Variants in MTUS2 observed in about 807,000 individuals in gnomAD.
MTUS2 encodes the protein microtubule associated scaffold protein 2.
A neutral mutation model predicts 114.1 loss-of-function variants in MTUS2; 40 were observed. The observed-to-expected ratio is 0.35, with a 90% CI of 0.27 to 0.46. The LOEUF is 0.46. Ranked by LOEUF, MTUS2 falls within the 20% of genes least tolerant of loss-of-function variation. The probability of loss-of-function intolerance (pLI) is 1.00; values close to 1 mark genes in which losing one functional copy is unlikely to be tolerated. For synonymous variants in MTUS2, 688 were observed against 672.0 expected, an observed-to-expected ratio of 1.02 and a Z score of -0.37; for missense variants, 1,679 against 1,705.4, an observed-to-expected ratio of 0.98 and a Z score of 0.27.
chr13:28,877,946 A>T (rs1369270778), intron 2 of MTUS2, among the ~76,000 whole-genome samples: 1 of 152,084 alleles, frequency 6.6e-6, no homozygotes, highest in Non-Finnish European at 1.5e-5. Flanking sequence ...ATATCCGAAA[A>T]ATGTGTTCTT....
intron 8 of MTUS2, among the ~76,000 whole-genome samples, chr13:29,409,745 A>G (rs1253596494): frequency 6.6e-6 from 1 of 151,214 alleles, no homozygotes; most frequent in East Asian, 1.9e-4. Flanking sequence ...TTGCTTTACA[A>G]TATACTCTGG....
chr13:29,154,303 C>G (rs975418701), intron 5 of MTUS2, among the ~76,000 whole-genome samples: 17 of 152,122 alleles, frequency 1.1e-4, no homozygotes, highest in African/African-American at 4.1e-4. Flanking sequence ...TTTGGTTACT[C>G]TTCAGTTTTA....
At chr13:28,914,131 G>T (rs1019796376) in intron 2 of MTUS2, among the ~76,000 whole-genome samples, 1 of 151,860 alleles carries the variant, frequency 6.6e-6, no homozygotes, top group Non-Finnish European at 1.5e-5. Flanking sequence ...TCTGATCTTG[G>T]TTATTTCTTG....
chr13:29,127,112 C>T lies in MTUS2; in HGVS notation c.2644+26142C>T, dbSNP rs1322703034. Among the ~76,000 whole-genome samples, 3 of 152,152 alleles carry T rather than the reference C, an allele frequency of 2.0e-5. No homozygotes were observed. In the East Asian group the frequency reaches 5.8e-4, roughly 29 times the overall value. On this transcript the variant is annotated intron_variant, in intron 5 of 15. Transcript: ENST00000612955. ...GGCCCCAGCCATTGAGCTGCTCCCA[C>T]ACCACCTAACTTGTTCTTCAGCCTT...
chr13:29,424,195 T>A (rs1876336512), intron 8 of MTUS2, among the ~76,000 whole-genome samples: 1 of 152,152 alleles, frequency 6.6e-6, no homozygotes, highest in African/African-American at 2.4e-5. Flanking sequence ...TATTTCAAAA[T>A]AGCTAGAAGA....
intron 8 of MTUS2, among the ~76,000 whole-genome samples, chr13:29,368,007 C>T (rs1207120875): frequency 3.4e-5 from 5 of 148,866 alleles, no homozygotes; most frequent in African/African-American, 9.9e-5. Context: ...GGCGCTATCT[C>T]GGCTCTCTGC....
chr13:28,891,893 A>G (rs1265861862), intron 2 of MTUS2, among the ~76,000 whole-genome samples: 1 of 150,922 alleles, frequency 6.6e-6, no homozygotes, highest in Non-Finnish European at 1.5e-5. Flanking sequence ...GAATAACAAC[A>G]AAGGACAAAA....
intron 1 of MTUS2, among the ~76,000 whole-genome samples, chr13:28,838,693 C>T (rs983644124): frequency 2.6e-5 from 4 of 152,154 alleles, no homozygotes; most frequent in Non-Finnish European, 4.4e-5. Context: ...GTCTTCCAGC[C>T]CTCAGCTTTT....
At chr13:28,917,343 GTTC>G (rs1327613083) in intron 2 of MTUS2, among the ~76,000 whole-genome samples, 15 of 152,014 alleles carry the variant, frequency 9.9e-5, no homozygotes, top group African/African-American at 3.1e-4. Context: ...ATTGGCATTA[GTTC>G]TTCTTTAAAT....
chr13:29,471,687 C>T (rs928200586), intron 9 of MTUS2, among the ~76,000 whole-genome samples: 2 of 150,358 alleles, frequency 1.3e-5, no homozygotes, highest in African/African-American at 2.4e-5. Context: ...CCACTGGAGG[C>T]GTGGACAAGA....
At chr13:29,027,597 G>A (rs781637271) in intron 3 of MTUS2, among the ~76,000 whole-genome samples, 1 of 152,114 alleles carries the variant, frequency 6.6e-6, no homozygotes, top group Non-Finnish European at 1.5e-5. Context: ...TGTCGCCCAG[G>A]CTTGAGTGCA....
intron 4 of MTUS2, among the ~76,000 whole-genome samples, chr13:29,047,883 A>C (rs1887708977): frequency 6.6e-6 from 1 of 152,190 alleles, no homozygotes; most frequent in Non-Finnish European, 1.5e-5. Context: ...TTATGGACTT[A>C]AACTCTGGAA....
intron 5 of MTUS2, among the ~76,000 whole-genome samples, chr13:29,112,414 G>T (rs1890917822): frequency 6.6e-6 from 1 of 152,126 alleles, no homozygotes; most frequent in African/African-American, 2.4e-5. Context: ...AGGAGAATGG[G>T]TCTGCAGACT....
chr13:28,869,274 A>T (rs1386922392), intron 2 of MTUS2, among the ~76,000 whole-genome samples: 1 of 152,176 alleles, frequency 6.6e-6, no homozygotes, highest in East Asian at 1.9e-4. Context: ...GGTTCCACTG[A>T]ATTTAACTAG....
At chr13:28,868,930 A>T (rs1877460885) in intron 2 of MTUS2, among the ~76,000 whole-genome samples, 1 of 152,136 alleles carries the variant, frequency 6.6e-6, no homozygotes, top group East Asian at 1.9e-4. Flanking sequence ...GAGTGATCCC[A>T]TTCCATGGCT....
rs1883071250 is a variant in MTUS2, at chr13:29,503,869, G to A, written c.*663G>A. 1 of 234,048 alleles carries A rather than the reference G, an allele frequency of 4.3e-6. No homozygotes were observed. The highest frequency in any genetic ancestry group is 2.2e-5 in the African/African-American group (1 of 45,164). The allele number at this position is 234,048 out of a possible 1,614,324, so 14.5% of individuals were successfully genotyped here. A position where few individuals can be genotyped will look rare whatever the true frequency, so the allele number is the denominator to read the frequency against. On this transcript the variant is annotated 3_prime_UTR_variant, in exon 16 of 16. Transcript: ENST00000612955. ...GAACAATCAGCTTCTCAGTCAACAT[G>A]ATGTGAGATCACTATTATTCCATTC...
At chr13:29,019,995 A>G (rs1481284438) in intron 2 of MTUS2, among the ~76,000 whole-genome samples, 1 of 152,180 alleles carries the variant, frequency 6.6e-6, no homozygotes, top group Non-Finnish European at 1.5e-5. Context: ...CATCTGGTGG[A>G]AGAATTGCAT....
At chr13:28,968,118 G>A (rs1473788666) in intron 2 of MTUS2, among the ~76,000 whole-genome samples, 1 of 152,100 alleles carries the variant, frequency 6.6e-6, no homozygotes, top group Non-Finnish European at 1.5e-5. Context: ...TGTATAGAAA[G>A]TATCTGCAGT....
chr13:29,499,405 G>A (rs912512880), intron 14 of MTUS2, among the ~76,000 whole-genome samples: 1 of 152,192 alleles, frequency 6.6e-6, no homozygotes, highest in African/African-American at 2.4e-5. Context: ...TTGGCCCCAG[G>A]ATCTCAGATT....
Sources: allele counts gnomAD v4.1 joint callset (sites outside exome capture counted in the v4.1 genomes callset), GRCh38; gene constraint gnomAD v4.1.1; transcripts MANE v1.5; gene names NCBI Gene and HGNC (gene_info 2026-07-23, HGNC 2026-07-21).